Variants in ARHGAP6 observed in about 807,000 individuals in gnomAD.
ARHGAP6 encodes rho GTPase-activating protein 6.
A neutral mutation model predicts 55.7 loss-of-function variants in ARHGAP6; 16 were observed. That is an observed-to-expected ratio of 0.29 (90% CI 0.19 to 0.44). The LOEUF (loss-of-function observed/expected upper bound fraction) is 0.44. Among genes scored for constraint, ARHGAP6 ranks in the 20% least tolerant of loss-of-function variants. The pLI is 1.00. For missense variants in ARHGAP6, 698 were observed against 808.9 expected, an observed-to-expected ratio of 0.86 and a Z score of 1.66; for synonymous variants, 382 against 360.9, an observed-to-expected ratio of 1.06 and a Z score of -0.66.
intron 1 of ARHGAP6, among the ~76,000 whole-genome samples, chrX:11,600,736 A>C (rs771539102): frequency 2.7e-5 from 3 of 112,258 alleles, no homozygotes; most frequent in Non-Finnish European, 3.8e-5. Context: ...GATTGAGCCC[A>C]GTGGGCAAGC....
intron 1 of ARHGAP6, among the ~76,000 whole-genome samples, chrX:11,294,211 G>A (rs1474240322): frequency 8.9e-6 from 1 of 112,061 alleles, no homozygotes; most frequent in African/African-American, 3.2e-5. Flanking sequence ...GGAGCTCAGA[G>A]ATGTTACTGG....
intron 1 of ARHGAP6, chrX:11,427,698 C>T: frequency 3.6e-6 from 3 of 827,823 alleles, no homozygotes; most frequent in Non-Finnish European, 2.9e-6. Flanking sequence ...CCCCTGGGCG[C>T]GAGCCCTGCT....
chrX:11,358,489 T>TTTCTTTC (rs1569313602), intron 1 of ARHGAP6, among the ~76,000 whole-genome samples: 6 of 71,159 alleles, frequency 8.4e-5, no homozygotes, highest in Non-Finnish European at 6.1e-5. Flanking sequence ...TTCTTTCTTT[T>TTTCTTTC]TTTTTTTTTG....
chrX:11,360,745 T>G (rs1419505085), intron 1 of ARHGAP6, among the ~76,000 whole-genome samples: 1 of 111,277 alleles, frequency 9.0e-6, no homozygotes, highest in African/African-American at 3.3e-5. Flanking sequence ...CACGATTGTA[T>G]ATCTAGAAAA....
intron 1 of ARHGAP6, among the ~76,000 whole-genome samples, chrX:11,543,535 T>C (rs892670709): frequency 8.9e-6 from 1 of 112,305 alleles, no homozygotes; most frequent in Admixed American, 9.4e-5. Flanking sequence ...CAGTTCCTAA[T>C]GTCAATAGTG....
At chrX:11,503,743 A>T (rs1416306504) in intron 1 of ARHGAP6, among the ~76,000 whole-genome samples, 1 of 111,474 alleles carries the variant, frequency 9.0e-6, no homozygotes, top group Non-Finnish European at 1.9e-5. Flanking sequence ...AGAATGTATT[A>T]GTTCTGCAAC....
chrX:11,286,132 G>A (rs2047918955), intron 1 of ARHGAP6, among the ~76,000 whole-genome samples: 1 of 111,777 alleles, frequency 8.9e-6, no homozygotes, highest in African/African-American at 3.3e-5. Flanking sequence ...TCCTTTATAA[G>A]GAAGGTAAAG....
intron 1 of ARHGAP6, among the ~76,000 whole-genome samples, chrX:11,455,144 C>G (rs139754573): frequency 8.9e-6 from 1 of 111,919 alleles, no homozygotes; most frequent in South Asian, 3.7e-4. Context: ...CCTATATTTA[C>G]TAAATGGAAA....
At chrX:11,188,125 C>G (rs1054657586) in intron 4 of ARHGAP6, among the ~76,000 whole-genome samples, 2 of 112,155 alleles carry the variant, frequency 1.8e-5, no homozygotes, top group African/African-American at 6.5e-5. Flanking sequence ...TGCTTATCAA[C>G]TGACTCAGCC....
At chrX:11,635,157 T>G (rs1175217927) in intron 1 of ARHGAP6, among the ~76,000 whole-genome samples, 1 of 112,273 alleles carries the variant, frequency 8.9e-6, no homozygotes, top group Non-Finnish European at 1.9e-5. Flanking sequence ...TTTTGTGACC[T>G]CATCATGTAA....
intron 1 of ARHGAP6, among the ~76,000 whole-genome samples, chrX:11,597,108 G>C (rs754941508): frequency 1.8e-5 from 2 of 111,389 alleles, no homozygotes; most frequent in African/African-American, 3.3e-5. Flanking sequence ...TTTTTCACAG[G>C]CTTAATACAG....
intron 2 of ARHGAP6, among the ~76,000 whole-genome samples, chrX:11,211,222 GTTTTT>G (rs1231718233): frequency 1.1e-5 from 1 of 91,930 alleles, no homozygotes. Context: ...GAGAACTGCT[GTTTTT>G]TTTTTTTTTT....
intron 3 of ARHGAP6, among the ~76,000 whole-genome samples, chrX:11,190,632 A>G (rs967966898): frequency 2.7e-5 from 3 of 110,048 alleles, no homozygotes; most frequent in Admixed American, 9.7e-5. Flanking sequence ...AGCTACATGA[A>G]ATAACAGAAA....
At chrX:11,462,479 C>T (rs1342495791) in intron 1 of ARHGAP6, among the ~76,000 whole-genome samples, 1 of 112,314 alleles carries the variant, frequency 8.9e-6, no homozygotes, top group Non-Finnish European at 1.9e-5. Flanking sequence ...TGTCTGAAAA[C>T]ACTTTCCAAA....
At position 11,181,844 on chromosome X, in the gene ARHGAP6, C is replaced by T. The variant is rs768121025; in HGVS notation, c.1329+219G>A. ...TGTTTGGCTGCACGTGGCACAGATA[C>T]ATCCAGACATTTTGCTTTCAAGTGT... On this transcript the variant is annotated intron_variant, in intron 6 of 12. Coordinates refer to ENST00000337414, the MANE Select transcript of ARHGAP6 (RefSeq NM_013427.3). 7.2e-5 allele frequency among the ~76,000 whole-genome samples: 8 copies of T among 110,622 alleles called. No homozygotes were observed. In the East Asian group the frequency reaches 2.0e-3, roughly 27 times the overall value.
chrX:11,528,784 G>A (rs1176540672), intron 1 of ARHGAP6, among the ~76,000 whole-genome samples: 4 of 111,716 alleles, frequency 3.6e-5, no homozygotes, highest in Non-Finnish European at 5.6e-5. Flanking sequence ...AGCAAAGGCC[G>A]CTATTAAGCT....
chrX:11,519,087 A>C (rs986601228), intron 1 of ARHGAP6, among the ~76,000 whole-genome samples: 2 of 95,190 alleles, frequency 2.1e-5, no homozygotes, highest in Non-Finnish European at 4.1e-5. Context: ...TAATGCCGCA[A>C]TAAACATACA....
intron 11 of ARHGAP6, chrX:11,142,874 A>T (rs2045639789): frequency 8.9e-6 from 1 of 112,137 alleles, no homozygotes; most frequent in Admixed American, 9.4e-5. Context: ...GAACCATAAA[A>T]TAATAAGTTT....
intron 1 of ARHGAP6, among the ~76,000 whole-genome samples, chrX:11,516,579 G>C (rs1428626382): frequency 2.7e-5 from 3 of 111,916 alleles, no homozygotes; most frequent in Non-Finnish European, 5.6e-5. Context: ...CATTCTATTA[G>C]ATTTAACACA....
Sources: allele counts gnomAD v4.1 joint callset (sites outside exome capture counted in the v4.1 genomes callset), GRCh38; gene constraint gnomAD v4.1.1; transcripts MANE v1.5; gene names NCBI Gene and HGNC (gene_info 2026-07-23, HGNC 2026-07-21).